The following SGCZ variants were observed in gnomAD, a reference collection of about 807,000 sequenced individuals.
SGCZ encodes sarcoglycan zeta, also known as zeta-sarcoglycan.
Under a neutral mutation model 41.3 loss-of-function variants are expected in SGCZ, and 40 were observed. That is an observed-to-expected ratio of 0.97 (90% CI 0.75 to 1.26). SGCZ has a LOEUF of 1.26. Among genes scored for constraint, SGCZ ranks in the 50% most tolerant of loss-of-function variants. The pLI is 0.00. For synonymous variants in SGCZ, 206 were observed against 137.5 expected, an observed-to-expected ratio of 1.50 and a Z score of -3.49; for missense variants, 552 against 369.8, an observed-to-expected ratio of 1.49 and a Z score of -4.04.
chr8:14,112,360 C>G (rs1017297079), intron 5 of SGCZ, among the ~76,000 whole-genome samples: 4 of 150,600 alleles, frequency 2.7e-5, no homozygotes, highest in African/African-American at 9.8e-5. Context: ...CAAGAGGAAT[C>G]CAGAGTCCAT....
chr8:14,308,979 G>C, intron 3 of SGCZ: 3 of 750,422 alleles, frequency 4.0e-6, no homozygotes, highest in Non-Finnish European at 6.6e-6. Flanking sequence ...GTGTCTTGAG[G>C]ATGAATTCCA....
chr8:15,237,406 C>T (rs1478041310), intron 1 of SGCZ, among the ~76,000 whole-genome samples, 179 bp downstream of exon 1: 1 of 152,194 alleles, frequency 6.6e-6, no homozygotes, highest in Non-Finnish European at 1.5e-5. Context: ...GGAGAACCAC[C>T]CTCCGTGTCC....
At position 15,045,540 on chromosome 8, in the gene SGCZ, T is replaced by C. The variant is rs559929450; in HGVS notation, c.39+192045A>G. On this transcript the variant is annotated intron_variant, in intron 1 of 7. Coordinates refer to ENST00000382080, the MANE Select transcript of SGCZ (RefSeq NM_139167.4). ...AATTTGGGTTTAAGATTGAGATTAG[T>C]TTAGTAGACCAGTGATAAAGTAGTT... Among the ~76,000 whole-genome samples, 32 of 152,222 alleles carry C rather than the reference T, an allele frequency of 2.1e-4. 1 individual carries two copies. The South Asian group carries it at 6.2e-3, about 30-fold the overall frequency.
intron 4 of SGCZ, among the ~76,000 whole-genome samples, chr8:14,209,175 A>C (rs10101540): frequency 0.76 from 115,120 of 152,184 alleles, 44,663 homozygotes; most frequent in African/African-American, 0.92. Context: ...GCCTTCCCAG[A>C]ACGTTATGTA....
chr8:14,915,757 T>G lies in SGCZ; in HGVS notation c.39+321828A>C, dbSNP rs183187577. Among the ~76,000 whole-genome samples the G allele has an allele frequency of 1.4e-3, 214 of 152,282 alleles. 1 individual carries two copies. The highest frequency in any genetic ancestry group is 1.4e-3 in the Non-Finnish European group (94 of 68,032). Reference sequence around the variant, plus strand: ...AAATCTGCTGTGGTCCCTGCCTCCCTGCTTTTTTGGAGGTGTCTCTCTGGA... The same window carrying G: ...AAATCTGCTGTGGTCCCTGCCTCCCGGCTTTTTTGGAGGTGTCTCTCTGGA... On this transcript the variant is annotated intron_variant, in intron 1 of 7. Transcript: ENST00000382080.
intron 2 of SGCZ, among the ~76,000 whole-genome samples, chr8:14,461,495 C>G (rs941804803): frequency 1.3e-5 from 2 of 152,026 alleles, no homozygotes; most frequent in African/African-American, 2.4e-5. Context: ...TATACTAGAC[C>G]TACTGAATTA....
intron 4 of SGCZ, among the ~76,000 whole-genome samples, chr8:14,197,000 G>C (rs1369404879): frequency 7.9e-5 from 12 of 152,002 alleles, no homozygotes; most frequent in Admixed American, 7.9e-4. Flanking sequence ...ACATTTCAAA[G>C]GTAACAGAAA....
At chr8:14,663,774 A>C (rs1190903729) in intron 1 of SGCZ, among the ~76,000 whole-genome samples, 1 of 152,256 alleles carries the variant, frequency 6.6e-6, no homozygotes, top group African/African-American at 2.4e-5. Flanking sequence ...AAAATGTCTA[A>C]ATGAAAGTAG....
chr8:14,823,007 T>A (rs1231958627), intron 1 of SGCZ, among the ~76,000 whole-genome samples: 1 of 133,164 alleles, frequency 7.5e-6, no homozygotes, highest in East Asian at 2.4e-4. Context: ...TAAGCCAAGA[T>A]CGCGCCACTG....
chr8:14,124,833 G>T (rs1431760658), intron 5 of SGCZ, among the ~76,000 whole-genome samples: 1 of 151,990 alleles, frequency 6.6e-6, no homozygotes, highest in African/African-American at 2.4e-5. Context: ...TCTTCTTATA[G>T]AAATTTCTAT....
intron 1 of SGCZ, among the ~76,000 whole-genome samples, chr8:15,161,113 G>A (rs988614083): frequency 2.0e-5 from 3 of 151,998 alleles, no homozygotes; most frequent in African/African-American, 4.8e-5. Context: ...CTGGTTCCCT[G>A]CTCCCTCTCT....
intron 6 of SGCZ, among the ~76,000 whole-genome samples, chr8:14,105,045 T>C (rs6987032): frequency 0.72 from 109,532 of 151,956 alleles, 39,874 homozygotes; most frequent in East Asian, 0.97. Context: ...TATATATTAA[T>C]GTAAGAAATA....
intron 4 of SGCZ, among the ~76,000 whole-genome samples, chr8:14,229,732 C>T (rs79917832): frequency 0.026 from 3,915 of 151,968 alleles, 179 homozygotes; most frequent in African/African-American, 0.089. Context: ...TTTATACATC[C>T]TATACCATCT....
chr8:15,116,586 C>A (rs932411556), intron 1 of SGCZ, among the ~76,000 whole-genome samples: 3 of 152,112 alleles, frequency 2.0e-5, no homozygotes, highest in Non-Finnish European at 2.9e-5. Flanking sequence ...GTGATACTGG[C>A]AGGACAGAAG....
At chr8:14,146,420 G>C (rs1448557950) in intron 5 of SGCZ, among the ~76,000 whole-genome samples, 1 of 152,096 alleles carries the variant, frequency 6.6e-6, no homozygotes, top group Admixed American at 6.5e-5. Flanking sequence ...CATCAGCTCT[G>C]TCTTAGAAGA....
rs560968302 is a variant in SGCZ at position 14,516,903 on chromosome 8, G to C, written c.234+37829C>G. On this transcript the variant is annotated intron_variant, in intron 2 of 7. Transcript: ENST00000382080. Reference sequence around the variant, plus strand: ...TAGAAACAACAAGCTGACACCAAGAGTATATGGAAACACTGCTGCCTTGAA... The same window carrying C: ...TAGAAACAACAAGCTGACACCAAGACTATATGGAAACACTGCTGCCTTGAA... 5.9e-5 allele frequency among the ~76,000 whole-genome samples: 9 copies of C among 152,102 alleles called. No individual in the cohort carries two copies. In the South Asian group the frequency reaches 1.9e-3, roughly 32 times the overall value.
intron 1 of SGCZ, among the ~76,000 whole-genome samples, chr8:15,190,334 TTTCATTCATTCA>T (rs111964133): frequency 4.4e-4 from 66 of 150,602 alleles, no homozygotes; most frequent in African/African-American, 1.4e-3. Context: ...GGATAATTCA[TTTCATTCATTCA>T]TTCATTCATT....
At chr8:14,353,963 C>T (rs916008267) in intron 2 of SGCZ, among the ~76,000 whole-genome samples, 1 of 152,020 alleles carries the variant, frequency 6.6e-6, no homozygotes, top group Non-Finnish European at 1.5e-5. Context: ...TAGCTTATTC[C>T]TGAATCTAGT....
At chr8:15,139,779 C>G (rs1284905446) in intron 1 of SGCZ, among the ~76,000 whole-genome samples, 8 of 152,170 alleles carry the variant, frequency 5.3e-5, no homozygotes, top group Admixed American at 4.6e-4. Flanking sequence ...ATTTCTCACT[C>G]TCTCCCCTGC....
Sources: gnomAD v4.1 joint callset for allele counts (sites outside exome capture counted in the v4.1 genomes callset) on GRCh38, gnomAD v4.1.1 for gene constraint, MANE v1.5 for transcripts, NCBI Gene and HGNC (gene_info 2026-07-23, HGNC 2026-07-21) for gene names.